SPAG16: variants seen among roughly 807,000 people sequenced by gnomAD.
SPAG16 encodes sperm-associated antigen 16 protein.
SPAG16 carries 86 observed loss-of-function variants against 80.4 expected under a neutral mutation model. The observed-to-expected ratio is 1.07, with a 90% CI of 0.90 to 1.28. The LOEUF is 1.28. SPAG16 is among the 50% of genes most tolerant of loss of function. The probability of loss-of-function intolerance (pLI) is 0.00; values close to 1 mark genes in which losing one functional copy is unlikely to be tolerated. For synonymous variants in SPAG16, 294 were observed against 265.9 expected (o/e 1.11, Z -1.03); for missense variants, 870 against 765.3 (o/e 1.14, Z -1.61).
chr2:214,058,320 C>G (rs973972534), intron 13 of SPAG16, among the ~76,000 whole-genome samples: 2 of 152,028 alleles, frequency 1.3e-5, no homozygotes, highest in African/African-American at 4.8e-5. Context: ...ATTTCAATGC[C>G]GTTGTCTCTC....
At chr2:213,516,718 T>C (rs1270838899) in intron 10 of SPAG16, among the ~76,000 whole-genome samples, 2 of 152,090 alleles carry the variant, frequency 1.3e-5, no homozygotes, top group African/African-American at 4.8e-5. Flanking sequence ...TAAAGCAAAC[T>C]GTGATGTGGA....
chr2:214,222,967 A>G (rs571822362), intron 15 of SPAG16, among the ~76,000 whole-genome samples: 2 of 152,340 alleles, frequency 1.3e-5, no homozygotes, highest in African/African-American at 4.8e-5. Flanking sequence ...ATGTTATTCA[A>G]TTTTTAGTCA....
At chr2:213,497,446 G>GTT (rs369848596) in intron 10 of SPAG16, among the ~76,000 whole-genome samples, 20 of 136,712 alleles carry the variant, frequency 1.5e-4, no homozygotes, top group Non-Finnish European at 1.5e-4. Flanking sequence ...GTTCTACCTT[G>GTT]TTTTTTTTTT....
chr2:214,200,086 C>T (rs1159152982), intron 15 of SPAG16, among the ~76,000 whole-genome samples: 1 of 152,058 alleles, frequency 6.6e-6, no homozygotes, highest in Non-Finnish European at 1.5e-5. Context: ...TTTGGATGCC[C>T]TTTATTTCTC....
intron 12 of SPAG16, among the ~76,000 whole-genome samples, chr2:214,012,544 C>T (rs546251209): frequency 6.6e-6 from 1 of 151,760 alleles, no homozygotes; most frequent in South Asian, 2.1e-4. Context: ...GGTCTCCTGC[C>T]TCGGCCTCCC....
intron 10 of SPAG16, among the ~76,000 whole-genome samples, chr2:213,605,694 T>C (rs2061234822): frequency 6.6e-6 from 1 of 152,096 alleles, no homozygotes; most frequent in Non-Finnish European, 1.5e-5. Context: ...TTTCACTGTG[T>C]TAGCCAGGAT....
intron 10 of SPAG16, among the ~76,000 whole-genome samples, chr2:213,650,424 C>T (rs1236305375): frequency 6.6e-6 from 1 of 152,214 alleles, no homozygotes; most frequent in Non-Finnish European, 1.5e-5. Context: ...TTTCAAAAAG[C>T]AGTTTTCTTC....
intron 15 of SPAG16, among the ~76,000 whole-genome samples, chr2:214,221,203 T>C (rs2058557941): frequency 6.6e-6 from 1 of 152,226 alleles, no homozygotes; most frequent in African/African-American, 2.4e-5. Flanking sequence ...CAAAAGTTTT[T>C]CACTCTCACA....
At chr2:213,496,895 G>A (rs2074517563) in intron 10 of SPAG16, among the ~76,000 whole-genome samples, 1 of 151,298 alleles carries the variant, frequency 6.6e-6, no homozygotes, top group South Asian at 2.1e-4. Context: ...CTTAAATTAT[G>A]TTGTAATTTT....
At position 213,893,838 on chromosome 2, in the gene SPAG16, A is replaced by G. The variant is rs1001017505; in HGVS notation, c.1214+31210A>G. The stretch of plus-strand genomic sequence containing the variant: ...AAAAGAATACAACAAGAAAGAAAGG[A>G]AGAGATGAATTACAAACAACTAAAA... On this transcript the variant is annotated intron_variant, in intron 11 of 15. Transcript: ENST00000331683. Among the ~76,000 whole-genome samples the G allele has an allele frequency of 3.9e-5, 6 of 152,254 alleles. No individual in the cohort carries two copies. In the South Asian group the frequency reaches 1.0e-3, roughly 26 times the overall value.
intron 4 of SPAG16, among the ~76,000 whole-genome samples, chr2:213,312,498 C>CT (rs1321111914): frequency 1.3e-5 from 2 of 151,680 alleles, no homozygotes; most frequent in African/African-American, 2.4e-5. Context: ...TACATTCTTA[C>CT]TTTTTTTGCC....
chr2:213,550,562 A>G (rs374722698), intron 10 of SPAG16, among the ~76,000 whole-genome samples: 17 of 152,238 alleles, frequency 1.1e-4, no homozygotes, highest in African/African-American at 3.8e-4. Flanking sequence ...AGAATATGTC[A>G]TGGCATTCCA....
chr2:214,401,385 A>G (rs957832334), intron 15 of SPAG16, among the ~76,000 whole-genome samples: 2 of 151,934 alleles, frequency 1.3e-5, no homozygotes, highest in East Asian at 3.8e-4. Context: ...TCATTTCCTT[A>G]TTCATCAAAG....
chr2:213,373,761 G>C (rs1472129842), intron 8 of SPAG16, among the ~76,000 whole-genome samples: 1 of 152,112 alleles, frequency 6.6e-6, no homozygotes, highest in Admixed American at 6.6e-5. Context: ...AAGGTAGTGT[G>C]ACCTTCACAA....
chr2:213,389,265 CA>C, intron 9 of SPAG16, among the ~76,000 whole-genome samples: 1 of 152,110 alleles, frequency 6.6e-6, no homozygotes, highest in East Asian at 1.9e-4. Flanking sequence ...AAAATTAACT[CA>C]AAATAATCAA....
At chr2:214,286,764 TAAATA>T (rs995747075) in intron 15 of SPAG16, among the ~76,000 whole-genome samples, 1 of 151,990 alleles carries the variant, frequency 6.6e-6, no homozygotes, top group Non-Finnish European at 1.5e-5. Context: ...AACAAATAAA[TAAATA>T]AAATAAAAAA....
intron 10 of SPAG16, among the ~76,000 whole-genome samples, chr2:213,666,772 T>C (rs1265509888): frequency 6.6e-6 from 1 of 152,200 alleles, no homozygotes; most frequent in Admixed American, 6.5e-5. Context: ...CACTGAGGAC[T>C]ACCTGATGGC....
intron 9 of SPAG16, among the ~76,000 whole-genome samples, chr2:213,400,181 G>T (rs1354296374): frequency 6.6e-6 from 1 of 151,728 alleles, no homozygotes; most frequent in Non-Finnish European, 1.5e-5. Flanking sequence ...ATCTTCTTCT[G>T]CCTATAGTCT....
rs148201910 is a variant in SPAG16 at position 213,900,343 on chromosome 2, G to A, written c.1215-29617G>A. 1.6e-4 allele frequency among the ~76,000 whole-genome samples: 25 copies of A among 152,144 alleles called. No individual in the cohort carries two copies. In the East Asian group the frequency reaches 3.5e-3, roughly 21 times the overall value. On this transcript the variant is annotated intron_variant, in intron 11 of 15. Transcript: ENST00000331683. ...AGACAAATGTGAGACAGACTGCCTC[G>A]AGAATCATTTACCAATATCTCGGAA... is the stretch of plus-strand genomic sequence containing the variant.
Sources: gnomAD v4.1 joint callset for allele counts (sites outside exome capture counted in the v4.1 genomes callset) on GRCh38, gnomAD v4.1.1 for gene constraint, MANE v1.5 for transcripts, NCBI Gene and HGNC (gene_info 2026-07-23, HGNC 2026-07-21) for gene names.